EFNA5: variants seen among roughly 807,000 people sequenced by gnomAD.
EFNA5 encodes the protein ephrin A5, also known as ephrin-A5.
A neutral mutation model predicts 22.9 loss-of-function variants in EFNA5; 5 were observed. The ratio of observed to expected loss-of-function variants is 0.22; its 90% CI spans 0.11 to 0.46. The LOEUF (loss-of-function observed/expected upper bound fraction) is 0.46. EFNA5 is among the 20% of genes least tolerant of loss of function. The probability of loss-of-function intolerance (pLI) is 0.99; values close to 1 mark genes in which losing one functional copy is unlikely to be tolerated. For synonymous variants in EFNA5, 113 were observed against 112.2 expected, an observed-to-expected ratio of 1.01 and a Z score of -0.04; for missense variants, 237 against 293.3, an observed-to-expected ratio of 0.81 and a Z score of 1.40.
At chr5:107,612,596 A>G (rs1441328981) in intron 1 of EFNA5, among the ~76,000 whole-genome samples, 1 of 152,198 alleles carries the variant, frequency 6.6e-6, no homozygotes, top group Non-Finnish European at 1.5e-5. Context: ...CAGAATTAGT[A>G]TTAAAAAGTT....
intron 1 of EFNA5, among the ~76,000 whole-genome samples, chr5:107,449,259 C>G (rs1039432288): frequency 6.6e-6 from 1 of 151,930 alleles, no homozygotes; most frequent in African/African-American, 2.4e-5. Flanking sequence ...CAGCTATAAC[C>G]AAATGGCTAA....
intron 1 of EFNA5, among the ~76,000 whole-genome samples, chr5:107,657,037 G>T (rs769637172): frequency 6.6e-6 from 1 of 152,098 alleles, no homozygotes; most frequent in East Asian, 1.9e-4. Context: ...TTTACTATAC[G>T]CAGTTAAATC....
intron 1 of EFNA5, among the ~76,000 whole-genome samples, chr5:107,560,004 T>C (rs1402196585): frequency 6.6e-6 from 1 of 152,228 alleles, no homozygotes; most frequent in Non-Finnish European, 1.5e-5. Flanking sequence ...TATATTCATA[T>C]TGGATCCTAT....
At chr5:107,515,420 C>T (rs1049062833) in intron 1 of EFNA5, among the ~76,000 whole-genome samples, 1 of 147,600 alleles carries the variant, frequency 6.8e-6, no homozygotes, top group Non-Finnish European at 1.5e-5. Context: ...TGCTGTGTTG[C>T]CAGGCTAGAG....
intron 1 of EFNA5, among the ~76,000 whole-genome samples, chr5:107,670,139 G>A (rs1287170216): frequency 6.6e-6 from 1 of 151,784 alleles, no homozygotes; most frequent in Non-Finnish European, 1.5e-5. Context: ...GCACACTGGG[G>A]GCTCCCCGCG....
intron 2 of EFNA5, among the ~76,000 whole-genome samples, chr5:107,414,443 A>G (rs1436588809): frequency 1.3e-5 from 2 of 152,138 alleles, no homozygotes; most frequent in Non-Finnish European, 2.9e-5. Context: ...GAGCTCCTAG[A>G]GGACAAAAAT....
At chr5:107,479,415 T>C (rs1035086496) in intron 1 of EFNA5, among the ~76,000 whole-genome samples, 6 of 152,120 alleles carry the variant, frequency 3.9e-5, no homozygotes, top group Non-Finnish European at 8.8e-5. Flanking sequence ...CAGGTTTCAA[T>C]TGTTTGACAC....
intron 1 of EFNA5, among the ~76,000 whole-genome samples, chr5:107,441,933 G>A (rs984639663): frequency 1.3e-5 from 2 of 152,044 alleles, no homozygotes; most frequent in Non-Finnish European, 2.9e-5. Flanking sequence ...TCGAATCTAA[G>A]AAATCCTCCT....
chr5:107,439,133 T>C (rs1749190085), intron 1 of EFNA5, among the ~76,000 whole-genome samples: 1 of 152,142 alleles, frequency 6.6e-6, no homozygotes, highest in African/African-American at 2.4e-5. Flanking sequence ...CAGGGTCTTT[T>C]TTGGAAGTAA....
intron 1 of EFNA5, among the ~76,000 whole-genome samples, chr5:107,605,549 T>G (rs967842131): frequency 6.6e-6 from 1 of 152,086 alleles, no homozygotes; most frequent in African/African-American, 2.4e-5. Flanking sequence ...CTGTTGCTAT[T>G]ACGACCTTTA....
intron 1 of EFNA5, among the ~76,000 whole-genome samples, chr5:107,559,079 G>A (rs1479743819): frequency 6.6e-6 from 1 of 152,180 alleles, no homozygotes; most frequent in African/African-American, 2.4e-5. Context: ...ATGTTTCAGG[G>A]AACTGACACA....
At chr5:107,518,571 T>C (rs1747531199) in intron 1 of EFNA5, among the ~76,000 whole-genome samples, 1 of 122,452 alleles carries the variant, frequency 8.2e-6, no homozygotes, top group South Asian at 2.8e-4. Flanking sequence ...GAAGCCGAGG[T>C]ACACCATGCC....
At position 107,623,083 on chromosome 5, in the gene EFNA5, C is replaced by T. The variant is rs187223093; in HGVS notation, c.125+47406G>A. ...AGTTGAATACTCACAAGTATTCAAG[C>T]CCAGAACTGACTAAATGCAAGGCAG... On this transcript the variant is annotated intron_variant, in intron 1 of 4. Transcript: ENST00000333274. Among the ~76,000 whole-genome samples, 398 of 142,800 alleles carry T rather than the reference C, an allele frequency of 2.8e-3. 2 individuals are homozygous for T. Among genetic ancestry groups the T allele is most frequent in the African/African-American group, 9.9e-3 (371 of 37,490 alleles). The allele number at this position is 142,800 out of a possible 152,430, so 93.7% of individuals were successfully genotyped here.
chr5:107,545,770 C>T (rs527728822), intron 1 of EFNA5, among the ~76,000 whole-genome samples: 2 of 152,264 alleles, frequency 1.3e-5, no homozygotes, highest in African/African-American at 4.8e-5. Context: ...CTGTAATCAA[C>T]TCGGCTTCAA....
chr5:107,466,718 G>C (rs1749995416), intron 1 of EFNA5, among the ~76,000 whole-genome samples: 1 of 152,170 alleles, frequency 6.6e-6, no homozygotes, highest in Admixed American at 6.5e-5. Flanking sequence ...CAAATCCCTA[G>C]TCTGTAAGTT....
At chr5:107,628,640 CT>C (rs1294515765) in intron 1 of EFNA5, among the ~76,000 whole-genome samples, 3 of 151,962 alleles carry the variant, frequency 2.0e-5, no homozygotes, top group African/African-American at 7.3e-5. Context: ...TAGATAAATA[CT>C]AAATATTACA....
chr5:107,397,861 A>T lies in EFNA5; in HGVS notation c.419-10090T>A, dbSNP rs1393258345. 2.6e-5 allele frequency among the ~76,000 whole-genome samples: 4 copies of T among 152,182 alleles called. 1 individual carries two copies. The highest frequency in any genetic ancestry group is 4.4e-5 in the Non-Finnish European group (3 of 68,040). On this transcript the variant is annotated intron_variant, in intron 2 of 4. Transcript: ENST00000333274. ...CATGATAAGGCTTTTATGTTGATTG[A>T]GTGGAGAAAAGGACAGCCAATCTCA...
At chr5:107,582,012 G>C (rs1049209181) in intron 1 of EFNA5, among the ~76,000 whole-genome samples, 3 of 152,170 alleles carry the variant, frequency 2.0e-5, no homozygotes, top group African/African-American at 4.8e-5. Flanking sequence ...GAACTGCTTT[G>C]CATAGGTACC....
intron 1 of EFNA5, among the ~76,000 whole-genome samples, chr5:107,489,773 T>C (rs143477957): frequency 1.3e-5 from 2 of 152,258 alleles, no homozygotes; most frequent in African/African-American, 4.8e-5. Flanking sequence ...GCAAGGACTA[T>C]GTACAGGAAA....
Sources: gnomAD v4.1 joint callset for allele counts (sites outside exome capture counted in the v4.1 genomes callset) on GRCh38, gnomAD v4.1.1 for gene constraint, MANE v1.5 for transcripts, NCBI Gene and HGNC (gene_info 2026-07-23, HGNC 2026-07-21) for gene names.